Variants in SPIRE1 observed in about 807,000 individuals in gnomAD.
The protein encoded by SPIRE1 is protein spire homolog 1.
SPIRE1 carries 40 observed loss-of-function variants against 94.1 expected under a neutral mutation model. That is an observed-to-expected ratio of 0.43 (90% CI 0.33 to 0.55). The LOEUF is 0.55. SPIRE1 is among the 20% of genes least tolerant of loss of function. The probability of loss-of-function intolerance (pLI) is 0.06; values close to 1 mark genes in which losing one functional copy is unlikely to be tolerated. For missense variants in SPIRE1, 838 were observed against 975.2 expected (o/e 0.86, Z 1.87); for synonymous variants, 376 against 371.7 (o/e 1.01, Z -0.13).
At chr18:12,518,483 C>T (rs984493656) in intron 4 of SPIRE1, among the ~76,000 whole-genome samples, 1 of 150,866 alleles carries the variant, frequency 6.6e-6, no homozygotes, top group Non-Finnish European at 1.5e-5. Flanking sequence ...AAGAGCAAGA[C>T]CCTGTCTCAC....
chr18:12,639,840 G>C (rs2038035436), intron 1 of SPIRE1, among the ~76,000 whole-genome samples: 1 of 151,542 alleles, frequency 6.6e-6, no homozygotes, highest in African/African-American at 2.4e-5. Flanking sequence ...CTGCACTCCA[G>C]CCTGGGCAAC....
At chr18:12,579,232 C>CACACACAA (rs1491052840) in intron 2 of SPIRE1, among the ~76,000 whole-genome samples, 1 of 136,684 alleles carries the variant, frequency 7.3e-6, no homozygotes, top group Admixed American at 7.5e-5. Flanking sequence ...CACACACACA[C>CACACACAA]AAAATACTGA....
chr18:12,581,558 A>T (rs1021455038), intron 2 of SPIRE1, among the ~76,000 whole-genome samples: 1 of 152,138 alleles, frequency 6.6e-6, no homozygotes, highest in East Asian at 1.9e-4. Context: ...AACTATACCT[A>T]CTGGGTCAAA....
chr18:12,597,310 C>T (rs1471360448), intron 2 of SPIRE1, among the ~76,000 whole-genome samples: 1 of 152,024 alleles, frequency 6.6e-6, no homozygotes, highest in Non-Finnish European at 1.5e-5. Flanking sequence ...TTTTTCTGGG[C>T]CTGGTGGAGT....
At chr18:12,609,930 C>T (rs2037092317) in intron 2 of SPIRE1, among the ~76,000 whole-genome samples, 1 of 152,012 alleles carries the variant, frequency 6.6e-6, no homozygotes, top group South Asian at 2.1e-4. Context: ...CTTTTTGCTC[C>T]AGACTAAACC....
At chr18:12,569,593 A>T (rs778123149) in intron 2 of SPIRE1, among the ~76,000 whole-genome samples, 2 of 151,250 alleles carry the variant, frequency 1.3e-5, no homozygotes, top group Non-Finnish European at 2.9e-5. Flanking sequence ...TAATTTTAGG[A>T]GGTTATTGGC....
intron 4 of SPIRE1, among the ~76,000 whole-genome samples, chr18:12,513,526 T>C (rs1023567279): frequency 2.0e-5 from 3 of 149,682 alleles, no homozygotes; most frequent in Non-Finnish European, 3.0e-5. Context: ...TATTTATTTA[T>C]TTATTTATTT....
chr18:12,571,569 C>T (rs146696966), intron 2 of SPIRE1, among the ~76,000 whole-genome samples: 167 of 152,338 alleles, frequency 1.1e-3, no homozygotes, highest in African/African-American at 3.9e-3. Context: ...CCCATGCTGA[C>T]ACTGATTGCA....
At chr18:12,556,131 A>G (rs1231410484) in intron 2 of SPIRE1, among the ~76,000 whole-genome samples, 1 of 152,184 alleles carries the variant, frequency 6.6e-6, no homozygotes, top group African/African-American at 2.4e-5. Context: ...TGAAAACTAT[A>G]AAACACTGAT....
rs868710974 is a variant in SPIRE1, at chr18:12,559,096, T to G, written c.373-12192A>C. ...CCACGTGCCTGCACTCCTCAGCCCT[T>G]GGGCGGTAGATGGGACCAGGCACCT... On this transcript the variant is annotated intron_variant, in intron 2 of 16. Transcript: ENST00000409402. This position sits in a 1 kb window ranked among gnomAD's most constrained non-coding sequence, Gnocchi z 4.7. Among the ~76,000 whole-genome samples, 1 of 136,096 alleles carries G rather than the reference T, an allele frequency of 7.3e-6. No homozygotes were observed. The highest frequency in any genetic ancestry group is 1.5e-5 in the Non-Finnish European group (1 of 65,224). The allele number at this position is 136,096 out of a possible 152,430, so 89.3% of individuals were successfully genotyped here.
In SPIRE1 at chr18:12,626,433, C is replaced by T. The variant is rs1213075436; in HGVS notation, c.372+8629G>A. On this transcript the variant is annotated intron_variant, in intron 2 of 16. Transcript: ENST00000409402. Reference sequence around the variant, plus strand: ...AATCAGACTACTTTACAAGTTCCTACAGTACAGACCCTGTCCTCATCTAAG... The same window carrying T: ...AATCAGACTACTTTACAAGTTCCTATAGTACAGACCCTGTCCTCATCTAAG... Among the ~76,000 whole-genome samples, 3 of 152,292 alleles carry T rather than the reference C, an allele frequency of 2.0e-5. No individual in the cohort carries two copies. The East Asian group carries it at 5.8e-4, about 29-fold the overall frequency.
At chr18:12,631,563 A>T (rs865910342) in intron 2 of SPIRE1, among the ~76,000 whole-genome samples, 1 of 149,976 alleles carries the variant, frequency 6.7e-6, no homozygotes, top group Non-Finnish European at 1.5e-5. Context: ...AAAAAAAAAA[A>T]AAAAAAAAAA....
chr18:12,594,647 G>GCTTAT (rs2144604997), intron 2 of SPIRE1, among the ~76,000 whole-genome samples: 1 of 152,268 alleles, frequency 6.6e-6, no homozygotes, highest in East Asian at 1.9e-4. Context: ...CTTTGCTTTT[G>GCTTAT]CTTATCTTTA....
chr18:12,450,793 C>A (rs1313289763), intron 16 of SPIRE1: 15 of 726,628 alleles, frequency 2.1e-5, no homozygotes, highest in Non-Finnish European at 3.0e-5. Flanking sequence ...TAAACCCTGG[C>A]ATCTCTATTG....
intron 5 of SPIRE1, among the ~76,000 whole-genome samples, chr18:12,507,673 T>C (rs2033882934): frequency 6.6e-6 from 1 of 151,746 alleles, no homozygotes; most frequent in Non-Finnish European, 1.5e-5. Context: ...TACTCCAGCT[T>C]GGGCGACACA....
chr18:12,481,920 A>G (rs1422888765), intron 9 of SPIRE1, among the ~76,000 whole-genome samples: 1 of 152,186 alleles, frequency 6.6e-6, no homozygotes, highest in Non-Finnish European at 1.5e-5. Flanking sequence ...AGTATTTCAA[A>G]CGCACACACC....
At chr18:12,626,832 G>T (rs1324533719) in intron 2 of SPIRE1, among the ~76,000 whole-genome samples, 1 of 145,488 alleles carries the variant, frequency 6.9e-6, no homozygotes, top group Non-Finnish European at 1.5e-5. Flanking sequence ...ATTAATTAAT[G>T]TCTATAACAG....
At chr18:12,500,721 C>T (rs1436488305) in intron 6 of SPIRE1, among the ~76,000 whole-genome samples, 1 of 152,046 alleles carries the variant, frequency 6.6e-6, no homozygotes, top group Non-Finnish European at 1.5e-5. Flanking sequence ...TTGGAAAGAA[C>T]CCAAATGTCC....
At chr18:12,606,361 G>GA (rs35381322) in intron 2 of SPIRE1, among the ~76,000 whole-genome samples, 84,847 of 151,538 alleles carry the variant, frequency 0.56, 24,911 homozygotes, top group Middle Eastern at 0.76. Context: ...AAAGACAGAA[G>GA]AAAAAAGAGA....
Sources: allele counts gnomAD v4.1 joint callset (sites outside exome capture counted in the v4.1 genomes callset), GRCh38; gene constraint gnomAD v4.1.1; non-coding constraint Gnocchi (gnomAD v3.1); transcripts MANE v1.5; gene names NCBI Gene and HGNC (gene_info 2026-07-23, HGNC 2026-07-21).